Variants in ANK3 observed in about 807,000 individuals in gnomAD.
The protein encoded by ANK3 is ankyrin-3.
A neutral mutation model predicts 370.9 loss-of-function variants in ANK3; 57 were observed. The ratio of observed to expected loss-of-function variants is 0.15; its 90% CI spans 0.12 to 0.19. The LOEUF (loss-of-function observed/expected upper bound fraction) is 0.19, where lower values mean the gene tolerates loss of function less well. Among genes scored for constraint, ANK3 ranks in the 10% least tolerant of loss-of-function variants. The pLI, the probability that ANK3 is intolerant of heterozygous loss-of-function variation, is 1.00. For missense variants in ANK3, 4,439 were observed against 5,302.1 expected, an observed-to-expected ratio of 0.84 and a Z score of 5.06; for synonymous variants, 1,929 against 1,946.3, an observed-to-expected ratio of 0.99 and a Z score of 0.23.
chr10:60,581,651 G>A (rs995812461), intron 2 of ANK3, among the ~76,000 whole-genome samples: 8 of 151,068 alleles, frequency 5.3e-5, no homozygotes, highest in African/African-American at 1.7e-4. Context: ...TCTTGGCCAT[G>A]CTGGTCTTGA....
chr10:60,694,537 ACAGCGGATCT>A (rs1160351876), intron 1 of ANK3, among the ~76,000 whole-genome samples: 8 of 152,196 alleles, frequency 5.3e-5, no homozygotes, highest in Non-Finnish European at 1.0e-4. Context: ...CATCAGACTA[ACAGCGGATCT>A]CTCAGCAGAA....
chr10:60,186,560 T>A, intron 17 of ANK3, 155 bp downstream of exon 17: 4 of 823,010 alleles, frequency 4.9e-6, no homozygotes, highest in Non-Finnish European at 8.1e-6. Context: ...TTTCCAAATT[T>A]TTGCTCTGTT....
At chr10:60,270,816 G>A (rs764038880) in intron 4 of ANK3, among the ~76,000 whole-genome samples, 2 of 152,148 alleles carry the variant, frequency 1.3e-5, no homozygotes, top group African/African-American at 2.4e-5. Flanking sequence ...AAGAAATGCC[G>A]ATTTGCATAA....
At chr10:60,370,928 C>T (rs543128417) in intron 1 of ANK3, among the ~76,000 whole-genome samples, 1 of 152,076 alleles carries the variant, frequency 6.6e-6, no homozygotes, top group Non-Finnish European at 1.5e-5. Context: ...AAGGAGGGGG[C>T]ATAACCTAAA....
intron 2 of ANK3, among the ~76,000 whole-genome samples, chr10:60,562,079 A>T (rs1204856187): frequency 6.6e-6 from 1 of 152,226 alleles, no homozygotes; most frequent in African/African-American, 2.4e-5. Context: ...TCAAAATGAT[A>T]AAACAGACCT....
At chr10:60,636,938 G>C (rs2078562904) in intron 1 of ANK3, among the ~76,000 whole-genome samples, 1 of 152,176 alleles carries the variant, frequency 6.6e-6, no homozygotes, top group Non-Finnish European at 1.5e-5. Flanking sequence ...AGATAGGGCA[G>C]TGGATTTCAC....
In ANK3 at chr10:60,085,310, T is replaced by A; in HGVS notation, c.3749-57A>T. On this transcript the variant is annotated intron_variant, in intron 30 of 43. Coordinates refer to ENST00000280772, the MANE Select transcript of ANK3 (RefSeq NM_020987.5). ...ATCATGGGAGATGCTCCTTGTAAAATTTTCATCAGATCCTGTTCTTCTTTC... is the reference window on the plus strand; with the variant it reads ...ATCATGGGAGATGCTCCTTGTAAAAATTTCATCAGATCCTGTTCTTCTTTC... 4 of 1,360,762 alleles carry A rather than the reference T, an allele frequency of 2.9e-6. No homozygotes were observed. The South Asian group carries it at 5.0e-5, about 17-fold the overall frequency. 84.3% of individuals were successfully genotyped at this position (1,360,762 alleles called of 1,614,324 possible). A position where few individuals can be genotyped will look rare whatever the true frequency, so the allele number is the denominator to read the frequency against.
intron 2 of ANK3, among the ~76,000 whole-genome samples, chr10:60,425,677 G>C (rs1370705388): frequency 6.6e-6 from 1 of 152,014 alleles, no homozygotes; most frequent in Admixed American, 6.6e-5. Context: ...AAAATACATA[G>C]CAAATAGATC....
chr10:60,319,357 C>T (rs1220714139), intron 1 of ANK3, among the ~76,000 whole-genome samples: 1 of 152,130 alleles, frequency 6.6e-6, no homozygotes, highest in African/African-American at 2.4e-5. Context: ...TTTCCCCAAA[C>T]AGGTAGTTGC....
chr10:60,566,910 C>A (rs559771088), intron 2 of ANK3, among the ~76,000 whole-genome samples: 2 of 152,244 alleles, frequency 1.3e-5, no homozygotes, highest in Admixed American at 6.5e-5. Flanking sequence ...CCAGCCACAG[C>A]ATTTGCAGAG....
At chr10:60,677,388 A>C (rs1286047264) in intron 1 of ANK3, among the ~76,000 whole-genome samples, 2 of 152,218 alleles carry the variant, frequency 1.3e-5, no homozygotes, top group Admixed American at 1.3e-4. Flanking sequence ...AAATCAGTAC[A>C]TGCTACTGCC....
chr10:60,488,995 C>T (rs1223088259), intron 2 of ANK3, among the ~76,000 whole-genome samples: 1 of 152,156 alleles, frequency 6.6e-6, no homozygotes, highest in African/African-American at 2.4e-5. Context: ...TGGTATCCTA[C>T]TTTTATTCAG....
intron 31 of ANK3, 95 bp from the exon 32 acceptor site, chr10:60,084,925 GAACT>G: frequency 1.0e-6 from 1 of 959,912 alleles, no homozygotes; most frequent in Non-Finnish European, 1.5e-6. Context: ...ATATGTAAAG[GAACT>G]AACCCAAAAC....
intron 2 of ANK3, among the ~76,000 whole-genome samples, chr10:60,436,428 C>A (rs1239662502): frequency 6.6e-6 from 1 of 152,184 alleles, no homozygotes; most frequent in Non-Finnish European, 1.5e-5. Flanking sequence ...ACATTTCTAC[C>A]AGCAGTGTGT....
At chr10:60,290,856 T>TA (rs1046189128) in intron 1 of ANK3, among the ~76,000 whole-genome samples, 1 of 151,996 alleles carries the variant, frequency 6.6e-6, no homozygotes, top group South Asian at 2.1e-4. Flanking sequence ...GGGAACCAGT[T>TA]AAAAAAAATA....
At chr10:60,386,674 C>CATG (rs2062382147) in intron 1 of ANK3, among the ~76,000 whole-genome samples, 2 of 151,978 alleles carry the variant, frequency 1.3e-5, no homozygotes, top group African/African-American at 4.8e-5. Context: ...ATTATGATTT[C>CATG]ATGATAACAC....
At chr10:60,123,308 C>T (rs2093597890) in intron 25 of ANK3, among the ~76,000 whole-genome samples, 1 of 152,132 alleles carries the variant, frequency 6.6e-6, no homozygotes, top group African/African-American at 2.4e-5. Flanking sequence ...AGTCCAAAGC[C>T]TGACTAATGA....
intron 21 of ANK3, 59 bp downstream of exon 21, chr10:60,172,249 C>A: frequency 1.4e-6 from 2 of 1,388,942 alleles, no homozygotes; most frequent in Non-Finnish European, 2.0e-6. Context: ...CAGAAAAACC[C>A]AAGAAAACTG....
chr10:60,175,427 A>G (rs973906868), intron 18 of ANK3, among the ~76,000 whole-genome samples: 4 of 151,992 alleles, frequency 2.6e-5, no homozygotes, highest in African/African-American at 9.7e-5. Flanking sequence ...TTTTTCAAAG[A>G]CTCCCTATTT....
Sources: gnomAD v4.1 joint callset for allele counts (sites outside exome capture counted in the v4.1 genomes callset) on GRCh38, gnomAD v4.1.1 for gene constraint, MANE v1.5 for transcripts, NCBI Gene and HGNC (gene_info 2026-07-23, HGNC 2026-07-21) for gene names.